Variants in NCMAP observed in about 807,000 individuals in gnomAD.
NCMAP encodes non-compact myelin associated protein, also known as noncompact myelin-associated protein.
A neutral mutation model predicts 7.8 loss-of-function variants in NCMAP; 8 were observed. That is an observed-to-expected ratio of 1.02 (90% CI 0.60 to 1.84). The LOEUF is 1.84. Among genes scored for constraint, NCMAP ranks in the 40% most tolerant of loss-of-function variants. The probability of loss-of-function intolerance (pLI) is 0.00; values close to 1 mark genes in which losing one functional copy is unlikely to be tolerated. For synonymous variants in NCMAP, 41 were observed against 52.9 expected, an observed-to-expected ratio of 0.78 and a Z score of 0.98; for missense variants, 112 against 131.4, an observed-to-expected ratio of 0.85 and a Z score of 0.72.
rs1652841620 is a variant in NCMAP at position 24,608,861 on chromosome 1, A to C, written c.*3114A>C. 1 of 152,638 alleles carries C rather than the reference A, an allele frequency of 6.6e-6. No homozygotes were observed. Among genetic ancestry groups the C allele is most frequent in the African/African-American group, 2.4e-5 (1 of 41,450 alleles). 9.5% of individuals were successfully genotyped at this position (152,638 alleles called of 1,614,324 possible). On this transcript the variant is annotated 3_prime_UTR_variant, in exon 4 of 4. Transcript: ENST00000374392. ...CAGTGAGCTGAGATCGCGCCACTGCACTCCAGCCGGGGTGACAGAGCCAGA... is the reference window on the plus strand; with the variant it reads ...CAGTGAGCTGAGATCGCGCCACTGCCCTCCAGCCGGGGTGACAGAGCCAGA...
chr1:24,577,913 C>T (rs1394818732), intron 1 of NCMAP, among the ~76,000 whole-genome samples: 2 of 152,032 alleles, frequency 1.3e-5, no homozygotes, highest in Non-Finnish European at 2.9e-5. Context: ...TGGTTTGGTT[C>T]TTGCTGCTGC....
rs187014904 is a variant in NCMAP at position 24,602,971 on chromosome 1, C to T, written c.167+1947C>T. Among the ~76,000 whole-genome samples, 1,506 of 151,976 alleles carry T rather than the reference C, an allele frequency of 9.9e-3. 29 individuals are homozygous for T. The highest frequency in any genetic ancestry group is 0.034 in the African/African-American group (1,413 of 41,442). On this transcript the variant is annotated intron_variant, in intron 3 of 3. Transcript: ENST00000374392. ...AGGAGAATCACTTGAACCCGGGAGG[C>T]GGAGGTTGCAGTGAGCTGAGATCGC...
At chr1:24,557,840 G>A (rs998137968) in intron 1 of NCMAP, among the ~76,000 whole-genome samples, 3 of 152,172 alleles carry the variant, frequency 2.0e-5, no homozygotes, top group East Asian at 1.9e-4. Context: ...CGGCGCGTGC[G>A]GTGAGCTGGG....
intron 1 of NCMAP, among the ~76,000 whole-genome samples, chr1:24,573,006 G>A (rs1339059533): frequency 6.6e-6 from 1 of 150,614 alleles, no homozygotes; most frequent in African/African-American, 2.5e-5. Flanking sequence ...GCCCAGTGGT[G>A]GGCATGGAAA....
At chr1:24,604,942 C>T (rs940379210) in intron 3 of NCMAP, among the ~76,000 whole-genome samples, 10 of 151,272 alleles carry the variant, frequency 6.6e-5, no homozygotes, top group African/African-American at 2.4e-4. Context: ...TGTTGAAACC[C>T]CATCTCTACT....
Position 24,580,705 on chromosome 1 carries a change from C to T in NCMAP, c.-7-14719C>T, listed in dbSNP as rs530263551. On this transcript the variant is annotated intron_variant, in intron 1 of 3. Coordinates refer to ENST00000374392, the MANE Select transcript of NCMAP (RefSeq NM_001010980.5). ...AACCCCTGACCTCAGGTGATCCGCC[C>T]GTCTCAGCCTCCCAAAGTGCTGGAA... 1.5e-4 allele frequency among the ~76,000 whole-genome samples: 23 copies of T among 152,290 alleles called. No individual in the cohort carries two copies. In the East Asian group the frequency reaches 2.9e-3, roughly 19 times the overall value.
chr1:24,575,242 A>G (rs1371644361), intron 1 of NCMAP, among the ~76,000 whole-genome samples: 1 of 152,086 alleles, frequency 6.6e-6, no homozygotes, highest in African/African-American at 2.4e-5. Flanking sequence ...TTTCTTTAAA[A>G]TCAAGCAGGG....
rs6663807 is a variant in NCMAP at position 24,567,991 on chromosome 1, C to T, written c.-8+11822C>T. ...ACCGAGGGTTCCGCGACGCCCTGGC[C>T]GTATTGGAATCTCTCCTTCCAGGTC... On this transcript the variant is annotated intron_variant, in intron 1 of 3. Coordinates refer to ENST00000374392, the MANE Select transcript of NCMAP (RefSeq NM_001010980.5). Among the ~76,000 whole-genome samples, 1,064 of 151,982 alleles carry T rather than the reference C, an allele frequency of 7.0e-3. 9 individuals carry two copies. Among genetic ancestry groups the T allele is most frequent in the African/African-American group, 0.023 (947 of 41,400 alleles).
intron 3 of NCMAP, among the ~76,000 whole-genome samples, chr1:24,602,222 G>A (rs1046516144): frequency 8.5e-5 from 13 of 152,100 alleles, no homozygotes; most frequent in African/African-American, 3.1e-4. Context: ...CAACTGGTGT[G>A]TCTACATGAT....
At chr1:24,585,335 G>A (rs1034983775) in intron 1 of NCMAP, among the ~76,000 whole-genome samples, 1 of 152,142 alleles carries the variant, frequency 6.6e-6, no homozygotes, top group Admixed American at 6.5e-5. Context: ...GTGCACTGCT[G>A]TTGCCAAATC....
chr1:24,588,104 T>C (rs1296717498), intron 1 of NCMAP, among the ~76,000 whole-genome samples: 1 of 151,510 alleles, frequency 6.6e-6, no homozygotes, highest in Non-Finnish European at 1.5e-5. Flanking sequence ...TTTTTTGAGA[T>C]GGTATCTTGC....
At chr1:24,567,692 G>A (rs770792068) in intron 1 of NCMAP, among the ~76,000 whole-genome samples, 11 of 152,136 alleles carry the variant, frequency 7.2e-5, no homozygotes, top group East Asian at 1.9e-4. Flanking sequence ...TAACTAAGCC[G>A]GAGTTCAATC....
chr1:24,557,831 G>C (rs35393629), intron 1 of NCMAP, among the ~76,000 whole-genome samples: 340 of 152,308 alleles, frequency 2.2e-3, no homozygotes, highest in Non-Finnish European at 3.8e-3. Flanking sequence ...AGCCAGCCGC[G>C]GCGCGTGCGG....
At position 24,607,429 on chromosome 1, in the gene NCMAP, C is replaced by G. The variant is rs918315300; in HGVS notation, c.*1682C>G. 1.3e-5 allele frequency: 2 copies of G among 152,002 alleles called. No individual in the cohort carries two copies. The highest frequency in any genetic ancestry group is 2.9e-5 in the Non-Finnish European group (2 of 68,014). 9.4% of individuals were successfully genotyped at this position (152,002 alleles called of 1,614,324 possible). ...TGGGTTCATTAATATAATTGTAGTT[C>G]TTTACTTCCTCTCAAAAACTTGTGA... On this transcript the variant is annotated 3_prime_UTR_variant, in exon 4 of 4. Transcript: ENST00000374392.
intron 2 of NCMAP, among the ~76,000 whole-genome samples, chr1:24,599,290 A>C (rs1355037401): frequency 1.3e-5 from 2 of 151,636 alleles, no homozygotes; most frequent in Non-Finnish European, 2.9e-5. Flanking sequence ...CAAAAAAAAA[A>C]AAAAAAAACA....
intron 1 of NCMAP, among the ~76,000 whole-genome samples, chr1:24,579,322 T>C (rs1405132351): frequency 6.6e-6 from 1 of 152,174 alleles, no homozygotes; most frequent in Non-Finnish European, 1.5e-5. Context: ...CTGTGCATTG[T>C]CTCTACTTGC....
At chr1:24,578,637 A>C (rs372229485) in intron 1 of NCMAP, among the ~76,000 whole-genome samples, 1 of 141,548 alleles carries the variant, frequency 7.1e-6, no homozygotes, top group Admixed American at 7.7e-5. Flanking sequence ...ATCACAGCTC[A>C]CTGCAGCCTC....
intron 2 of NCMAP, among the ~76,000 whole-genome samples, chr1:24,599,561 T>G (rs1213815173): frequency 6.6e-6 from 1 of 152,162 alleles, no homozygotes; most frequent in Non-Finnish European, 1.5e-5. Flanking sequence ...TAAAACAGTA[T>G]GTGAAACATG....
At chr1:24,598,225 A>C (rs115391393) in intron 2 of NCMAP, among the ~76,000 whole-genome samples, 5,307 of 152,246 alleles carry the variant, frequency 0.035, 147 homozygotes, top group Middle Eastern at 0.12. Context: ...GTTTGCTTTT[A>C]AGTAAACTTT....
Sources: allele counts gnomAD v4.1 joint callset (sites outside exome capture counted in the v4.1 genomes callset), GRCh38; gene constraint gnomAD v4.1.1; transcripts MANE v1.5; gene names NCBI Gene and HGNC (gene_info 2026-07-23, HGNC 2026-07-21).